Variants in COBL observed in about 807,000 individuals in gnomAD.
COBL encodes the protein protein cordon-bleu.
COBL carries 51 observed loss-of-function variants against 98.8 expected under a neutral mutation model. The ratio of observed to expected loss-of-function variants is 0.52; its 90% CI spans 0.41 to 0.65. The LOEUF is 0.65. Among genes scored for constraint, COBL ranks in the 30% least tolerant of loss-of-function variants. The probability of loss-of-function intolerance (pLI) is 0.00; values close to 1 mark genes in which losing one functional copy is unlikely to be tolerated. For missense variants in COBL, 1,617 were observed against 1,617.5 expected, an observed-to-expected ratio of 1.00 and a Z score of 0.01; for synonymous variants, 634 against 651.7, an observed-to-expected ratio of 0.97 and a Z score of 0.41.
At chr7:51,236,160 T>A (rs1795239260) in intron 1 of COBL, among the ~76,000 whole-genome samples, 1 of 152,110 alleles carries the variant, frequency 6.6e-6, no homozygotes, top group Admixed American at 6.5e-5. Context: ...GGAACGGTCA[T>A]CCCACTTAAC....
intron 1 of COBL, among the ~76,000 whole-genome samples, chr7:51,240,425 T>G (rs573740190): frequency 7.2e-5 from 11 of 152,346 alleles, no homozygotes; most frequent in African/African-American, 2.2e-4. Flanking sequence ...AGAACTGAGC[T>G]CCTTCATCAG....
intron 6 of COBL, among the ~76,000 whole-genome samples, chr7:51,131,223 G>A (rs1798705970): frequency 6.6e-6 from 1 of 152,058 alleles, no homozygotes; most frequent in African/African-American, 2.4e-5. Flanking sequence ...AGTGAAAAAA[G>A]AAAGCTGGAA....
At chr7:51,104,531 G>A (rs1346513366) in intron 6 of COBL, among the ~76,000 whole-genome samples, 1 of 152,136 alleles carries the variant, frequency 6.6e-6, no homozygotes, top group Non-Finnish European at 1.5e-5. Flanking sequence ...AATACTACCT[G>A]CCTCCCTTGT....
chr7:51,024,521 TG>T (rs1787305307), intron 12 of COBL, among the ~76,000 whole-genome samples: 1 of 151,920 alleles, frequency 6.6e-6, no homozygotes, highest in Non-Finnish European at 1.5e-5. Flanking sequence ...AGGGGCCAGG[TG>T]GGCAGTAATG....
intron 1 of COBL, among the ~76,000 whole-genome samples, chr7:51,254,368 G>A (rs1297366945): frequency 6.6e-6 from 1 of 152,122 alleles, no homozygotes. Context: ...AGTATTATTT[G>A]TGCTAAACTG....
At chr7:51,062,267 GTCTCTCTCTC>G (rs146409423) in intron 7 of COBL, among the ~76,000 whole-genome samples, 22 of 149,060 alleles carry the variant, frequency 1.5e-4, no homozygotes, top group Non-Finnish European at 3.3e-4. Flanking sequence ...AACAGTTCAT[GTCTCTCTCTC>G]TCTCTCTCTC....
intron 12 of COBL, among the ~76,000 whole-genome samples, chr7:51,024,226 A>G (rs940379751): frequency 2.0e-5 from 3 of 151,978 alleles, no homozygotes; most frequent in Non-Finnish European, 4.4e-5. Flanking sequence ...GGAGAATGGC[A>G]TGAACCCGGG....
chr7:51,029,563 G>A lies in COBL; in HGVS notation c.1533C>T (p.Thr511=). 1 of 1,603,352 alleles carries A rather than the reference G, an allele frequency of 6.2e-7. No individual in the cohort carries two copies. Among genetic ancestry groups the A allele is most frequent in the East Asian group, 2.2e-5 (1 of 44,564 alleles). ...EEMEDSYETD[T]SSLTSSIHGA... is the part of the protein sequence containing the mutation. The stretch of plus-strand genomic sequence containing the variant: ...CATGGATGGAGCTGGTGAGGGAGCT[G>A]GTGTCTGTTTCATAGCTGTCTTCCA... The change falls in exon 10 of 13, where the codon ACC becomes ACT. Residue 511 remains threonine (T), a synonymous_variant. Transcript: ENST00000265136.
rs771060341 is a variant in COBL, at chr7:51,183,969, C to A, written c.783+133G>T. 82 of 487,096 alleles carry A rather than the reference C, an allele frequency of 1.7e-4. No individual in the cohort carries two copies. In the Middle Eastern group the frequency reaches 1.7e-3, roughly 10 times the overall value. 30.2% of individuals were successfully genotyped at this position (487,096 alleles called of 1,614,324 possible). ...TCATTCCAGTGCATACTAATAAGCT[C>A]TCTTTTACCTGAAGGAATTAGTATT... On this transcript the variant is annotated intron_variant, in intron 5 of 12. Transcript: ENST00000265136.
intron 1 of COBL, among the ~76,000 whole-genome samples, chr7:51,220,907 C>A (rs898834854): frequency 6.6e-6 from 1 of 152,142 alleles, no homozygotes; most frequent in Non-Finnish European, 1.5e-5. Flanking sequence ...TTATTTTATA[C>A]ATAGAATACA....
chr7:51,201,299 A>G (rs940855205), intron 2 of COBL, among the ~76,000 whole-genome samples: 3 of 151,930 alleles, frequency 2.0e-5, no homozygotes, highest in African/African-American at 4.8e-5. Context: ...AGGGGTAGCT[A>G]TATTGTCATT....
chr7:51,021,914 T>G (rs1786976429), intron 12 of COBL, among the ~76,000 whole-genome samples: 1 of 152,160 alleles, frequency 6.6e-6, no homozygotes, highest in Admixed American at 6.5e-5. Context: ...GTTAATGCCT[T>G]CAAAAGAATG....
chr7:51,288,724 A>C (rs1800609316), intron 1 of COBL, among the ~76,000 whole-genome samples: 1 of 152,180 alleles, frequency 6.6e-6, no homozygotes, highest in South Asian at 2.1e-4. Flanking sequence ...ATTGTACTTC[A>C]GCCTGGGCAA....
chr7:51,138,582 C>T (rs1185216611), intron 5 of COBL, among the ~76,000 whole-genome samples: 2 of 152,214 alleles, frequency 1.3e-5, no homozygotes, highest in Admixed American at 6.5e-5. Flanking sequence ...ATGGCCAGAG[C>T]ATGGACACTG....
intron 7 of COBL, chr7:51,071,854 C>A (rs548201918): frequency 6.6e-6 from 1 of 152,022 alleles, no homozygotes; most frequent in South Asian, 2.1e-4. Flanking sequence ...AGACTTTCCC[C>A]ATTTAATGAT....
intron 1 of COBL, among the ~76,000 whole-genome samples, chr7:51,220,510 G>A (rs1055754576): frequency 4.6e-5 from 7 of 152,138 alleles, no homozygotes; most frequent in African/African-American, 1.2e-4. Context: ...GAAAGGATGC[G>A]GGTGATGGTA....
At chr7:51,121,952 A>G (rs1167125550) in intron 6 of COBL, among the ~76,000 whole-genome samples, 1 of 152,222 alleles carries the variant, frequency 6.6e-6, no homozygotes, top group African/African-American at 2.4e-5. Context: ...AAGTACAAGG[A>G]TAAGAACAGC....
chr7:51,276,156 T>TA (rs1425993356), intron 1 of COBL, among the ~76,000 whole-genome samples: 1 of 152,248 alleles, frequency 6.6e-6, no homozygotes, highest in Non-Finnish European at 1.5e-5. Flanking sequence ...GAGCCCATTT[T>TA]AATTGGCATT....
At chr7:51,092,190 G>A (rs1214086885) in intron 6 of COBL, among the ~76,000 whole-genome samples, 2 of 152,202 alleles carry the variant, frequency 1.3e-5, no homozygotes, top group Non-Finnish European at 2.9e-5. Context: ...CTGATGATCT[G>A]AGGTGGAACA....
Sources: allele counts gnomAD v4.1 joint callset (sites outside exome capture counted in the v4.1 genomes callset), GRCh38; gene constraint gnomAD v4.1.1; transcripts MANE v1.5; gene names NCBI Gene and HGNC (gene_info 2026-07-23, HGNC 2026-07-21).